Variants in SDK2 observed in about 807,000 individuals in gnomAD.
The protein encoded by SDK2 is protein sidekick-2.
In SDK2, 105 loss-of-function variants were observed where a neutral mutation model predicts 253.9. The observed-to-expected ratio is 0.41, with a 90% CI of 0.35 to 0.49. The LOEUF (loss-of-function observed/expected upper bound fraction) is 0.49. Ranked by LOEUF, SDK2 falls within the 20% of genes least tolerant of loss-of-function variation. SDK2 has a pLI of 0.06. For synonymous variants in SDK2, 1,249 were observed against 1,234.9 expected, an observed-to-expected ratio of 1.01 and a Z score of -0.24; for missense variants, 2,608 against 3,003.0, an observed-to-expected ratio of 0.87 and a Z score of 3.07.
chr17:73,379,758 G>A lies in SDK2; in HGVS notation c.4763-209C>T, dbSNP rs1198367470. 6.6e-6 allele frequency among the ~76,000 whole-genome samples: 1 copy of A among 152,134 alleles called. No homozygotes were observed. Among genetic ancestry groups the A allele is most frequent in the East Asian group, 1.9e-4 (1 of 5,182 alleles). On this transcript the variant is annotated intron_variant, in intron 34 of 44. Transcript: ENST00000392650. This position sits in a 1 kb window ranked among gnomAD's most constrained non-coding sequence, Gnocchi z 4.5. ...TCTGGACATAGGGCAATGCTGGTTG[G>A]CCTCTTGGCCTAGGGTGGCCGTACA...
chr17:73,541,479 A>G lies in SDK2; in HGVS notation c.65-33882T>C, dbSNP rs1213196347. 2.6e-5 allele frequency among the ~76,000 whole-genome samples: 4 copies of G among 151,894 alleles called. No individual in the cohort carries two copies. Among genetic ancestry groups the G allele is most frequent in the African/African-American group, 9.7e-5 (4 of 41,344 alleles). ...CTCTCAACATCCTCACCTCTATCTT[A>G]GCAGGGCAATACCGCACCACCCCCA... On this transcript the variant is annotated intron_variant, in intron 1 of 44. Transcript: ENST00000392650. The surrounding 1 kb of genome is among the most constrained non-coding windows in gnomAD (Gnocchi z 4.3).
In SDK2 at chr17:73,417,257, T is replaced by A. The variant is rs868087720; in HGVS notation, c.2187-1265A>T. ...TGTCTCTACTAAAAAAAAAAAAAAA[T>A]TAGCCGGATGTGGTGGCACATGCCT... is the stretch of plus-strand genomic sequence containing the variant. On this transcript the variant is annotated intron_variant, in intron 16 of 44. Coordinates refer to ENST00000392650, the MANE Select transcript of SDK2 (RefSeq NM_001144952.2). Among the ~76,000 whole-genome samples the A allele has an allele frequency of 4.8e-3, 608 of 126,404 alleles. 9 individuals carry two copies. The highest frequency in any genetic ancestry group is 0.017 in the African/African-American group (576 of 34,096). The allele number at this position is 126,404 out of a possible 152,430, so 82.9% of individuals were successfully genotyped here. A position where few individuals can be genotyped will look rare whatever the true frequency, so the allele number is the denominator to read the frequency against.
At chr17:73,509,627 C>CA (rs111605845) in intron 1 of SDK2, among the ~76,000 whole-genome samples, 4,173 of 81,184 alleles carry the variant, frequency 0.051, 106 homozygotes, top group Non-Finnish European at 0.07. Flanking sequence ...CCCTCTTCAC[C>CA]AAAAAAAAAA....
chr17:73,504,189 CGT>C (rs1232409933), intron 2 of SDK2, among the ~76,000 whole-genome samples: 398 of 89,558 alleles, frequency 4.4e-3, no homozygotes, highest in Non-Finnish European at 7.8e-3. Context: ...TGGAGCAGTG[CGT>C]GCGTGTGTGT....
chr17:73,393,187 G>A (rs371347247), intron 27 of SDK2, among the ~76,000 whole-genome samples: 61 of 144,310 alleles, frequency 4.2e-4, no homozygotes, highest in African/African-American at 1.1e-3. Context: ...GGAGGTTGTA[G>A]TGGGCCAAGA....
At position 73,456,329 on chromosome 17, in the gene SDK2, A is replaced by G. The variant is rs371600523; in HGVS notation, c.332-276T>C. On this transcript the variant is annotated intron_variant, in intron 3 of 44. Transcript: ENST00000392650. ...TGGTCATCATTTCACACATTTTACA[A>G]TGGAAAAAACTGCTCAAATGGGCTC... 6.6e-5 allele frequency among the ~76,000 whole-genome samples: 10 copies of G among 152,246 alleles called. 1 individual carries two copies. Among genetic ancestry groups the G allele is most frequent in the East Asian group, 3.9e-4 (2 of 5,164 alleles).
At chr17:73,351,493 G>A (rs8065206) in intron 41 of SDK2, among the ~76,000 whole-genome samples, 112,994 of 152,032 alleles carry the variant, frequency 0.74, 43,271 homozygotes, top group Admixed American at 0.83. Context: ...TGCTTCTCTG[G>A]CCTGCAGGAG....
intron 41 of SDK2, among the ~76,000 whole-genome samples, chr17:73,351,141 C>G (rs952022877): frequency 9.4e-5 from 14 of 149,526 alleles, no homozygotes; most frequent in African/African-American, 3.5e-4. Context: ...CGGAGTTTCA[C>G]TCTTATTTCC....
chr17:73,367,203 T>C (rs2062692700), intron 37 of SDK2, among the ~76,000 whole-genome samples: 1 of 152,020 alleles, frequency 6.6e-6, no homozygotes, highest in Non-Finnish European at 1.5e-5. Flanking sequence ...CAGATAGGGT[T>C]TCATCATGTT....
At chr17:73,548,111 C>A (rs1440593953) in intron 1 of SDK2, among the ~76,000 whole-genome samples, 3 of 152,210 alleles carry the variant, frequency 2.0e-5, no homozygotes, top group Non-Finnish European at 4.4e-5. Context: ...GTGGGGATTA[C>A]AATTCCACAT....
At chr17:73,388,086 T>C in intron 29 of SDK2, 49 bp from the exon 30 acceptor site, 1 of 1,286,768 alleles carries the variant, frequency 7.8e-7, no homozygotes, top group Non-Finnish European at 1.1e-6. Flanking sequence ...CAGGCCATGG[T>C]GGAGGGGGCT....
intron 1 of SDK2, among the ~76,000 whole-genome samples, chr17:73,554,958 C>T (rs115612604): frequency 0.014 from 2,161 of 152,336 alleles, 47 homozygotes; most frequent in African/African-American, 0.05. Context: ...CAGGAGCCCT[C>T]GAGGTGCTCT....
At chr17:73,598,319 C>T (rs867758417) in intron 1 of SDK2, among the ~76,000 whole-genome samples, 4 of 152,162 alleles carry the variant, frequency 2.6e-5, no homozygotes, top group African/African-American at 7.2e-5. Context: ...TGGCTCAGGT[C>T]GCTGGGTCAT....
chr17:73,626,499 T>C (rs1269300051), intron 1 of SDK2, among the ~76,000 whole-genome samples: 1 of 152,144 alleles, frequency 6.6e-6, no homozygotes, highest in African/African-American at 2.4e-5. Context: ...GCCAAGTGGA[T>C]TGGATTCAGA....
chr17:73,391,953 A>C (rs994011665), intron 27 of SDK2, among the ~76,000 whole-genome samples: 1 of 86,836 alleles, frequency 1.2e-5, no homozygotes, highest in Non-Finnish European at 2.0e-5. Context: ...AGCCTGCACC[A>C]CTCCTCTCTC....
Position 73,387,929 on chromosome 17 carries a change from T to C in SDK2, c.4301A>G (p.Tyr1434Cys), listed in dbSNP as rs1336097235. 4 of 1,587,016 alleles carry C rather than the reference T, an allele frequency of 2.5e-6. No individual in the cohort carries two copies. In the African/African-American group the frequency reaches 4.0e-5, roughly 16 times the overall value. Reference protein sequence around the residue: ...PGSDGLSPVRYYTIQTRELPS... With the variant: ...PGSDGLSPVRCYTIQTRELPS... ...CAGCTCGCGGGTCTGGATGGTGTAG[T>C]AGCGCACAGGGGAGAGCCCGTCGCT... The change falls in exon 30 of 45, where the codon TAC becomes TGC. Residue 1434 changes from tyrosine to cysteine, a missense_variant. Coordinates refer to ENST00000392650, the MANE Select transcript of SDK2 (RefSeq NM_001144952.2).
intron 18 of SDK2, among the ~76,000 whole-genome samples, chr17:73,403,791 TAA>T (rs2063048506): frequency 6.6e-6 from 1 of 152,232 alleles, no homozygotes; most frequent in Non-Finnish European, 1.5e-5. Flanking sequence ...ACAGAAATAC[TAA>T]GTGGCATTTA....
intron 5 of SDK2, among the ~76,000 whole-genome samples, chr17:73,442,404 C>T (rs575190008): frequency 7.2e-4 from 109 of 152,010 alleles, no homozygotes; most frequent in African/African-American, 2.6e-3. Context: ...TGCAGTGGCA[C>T]GATCTCGGCT....
chr17:73,565,681 A>G (rs949217532), intron 1 of SDK2, among the ~76,000 whole-genome samples: 1 of 152,248 alleles, frequency 6.6e-6, no homozygotes, highest in Non-Finnish European at 1.5e-5. Flanking sequence ...CTCATGTGGA[A>G]ATGCGATCTC....
Sources: allele counts gnomAD v4.1 joint callset (sites outside exome capture counted in the v4.1 genomes callset), GRCh38; gene constraint gnomAD v4.1.1; non-coding constraint Gnocchi (gnomAD v3.1); transcripts MANE v1.5; gene names NCBI Gene and HGNC (gene_info 2026-07-23, HGNC 2026-07-21).